Variants in NUCB2 observed in about 807,000 individuals in gnomAD.
The protein encoded by NUCB2 is nucleobindin-2.
In NUCB2, 48 loss-of-function variants were observed where a neutral mutation model predicts 57.9. The ratio of observed to expected loss-of-function variants is 0.83; its 90% CI spans 0.66 to 1.05. The LOEUF is 1.05. Among genes scored for constraint, NUCB2 ranks in the 50% least tolerant of loss-of-function variants. The probability of loss-of-function intolerance (pLI) is 0.00; values close to 1 mark genes in which losing one functional copy is unlikely to be tolerated. For missense variants in NUCB2, 442 were observed against 476.2 expected, an observed-to-expected ratio of 0.93 and a Z score of 0.67; for synonymous variants, 139 against 152.1, an observed-to-expected ratio of 0.91 and a Z score of 0.64.
At chr11:17,302,929 G>A (rs1249360452) in intron 5 of NUCB2, among the ~76,000 whole-genome samples, 6 of 151,988 alleles carry the variant, frequency 3.9e-5, no homozygotes, top group African/African-American at 1.4e-4. Flanking sequence ...TAGTAGAGAC[G>A]GGGTTTCACC....
At chr11:17,344,280 G>C (rs11024260) in intron 2 of NUCB2, among the ~76,000 whole-genome samples, 36,172 of 152,046 alleles carry the variant, frequency 0.24, 5,000 homozygotes, top group East Asian at 0.5. Context: ...TCTCAGCAGG[G>C]ATTATTCATC....
At position 17,310,849 on chromosome 11, in the gene NUCB2, G is replaced by A. The variant is rs751833499; in HGVS notation, c.508G>A (p.Asp170Asn). ...GGCAACAAGTGATCTGGAACACTAT[G>A]ACAAGACTCGTCATGAAGAATTTAA... Reference protein sequence around the residue: ...KAATSDLEHYDKTRHEEFKKY... With the variant: ...KAATSDLEHYNKTRHEEFKKY... The change falls in exon 7 of 14, where the codon GAC becomes AAC. Residue 170 changes from aspartate to asparagine, a missense_variant. Physicochemically the swap from Asp to Asn is conservative, Grantham distance 23. Transcript: ENST00000529010. The A allele has an allele frequency of 6.3e-7, 1 of 1,587,994 alleles. No homozygotes were observed. The highest frequency in any genetic ancestry group is 1.2e-5 in the South Asian group (1 of 84,732).
intron 10 of NUCB2, 26 bp from the exon 11 acceptor site, chr11:17,315,360 T>G: frequency 7.8e-7 from 1 of 1,288,148 alleles, no homozygotes; most frequent in Non-Finnish European, 1.1e-6. Context: ...TTACTTTATA[T>G]TATGTATACA....
In NUCB2 at chr11:17,309,637, A is replaced by G. The variant is rs1451419744; in HGVS notation, c.445A>G (p.Lys149Glu). ...TCACCTAAACCACCTGAATCCTGACAAGTTTGAATCCACAGATTTAGATAT... is the reference window on the plus strand; with the variant it reads ...TCACCTAAACCACCTGAATCCTGACGAGTTTGAATCCACAGATTTAGATAT... ...FDHLNHLNPD[K>E]FESTDLDMLI... Residue 149 changes from lysine to glutamate, a missense_variant, in exon 6 of 14, where the codon AAG becomes GAG. Lys to Glu is a moderately conservative substitution (Grantham distance 56, BLOSUM62 1). Transcript: ENST00000529010. 6.2e-7 allele frequency: 1 copy of G among 1,607,692 alleles called. No homozygotes were observed. Among genetic ancestry groups the G allele is most frequent in the African/African-American group, 1.3e-5 (1 of 74,508 alleles).
downstream of NUCB2, among the ~76,000 whole-genome samples, chr11:17,335,094 G>A (rs1951698367): frequency 1.3e-5 from 2 of 151,624 alleles, no homozygotes; most frequent in African/African-American, 2.4e-5. Context: ...ACCACTCAAT[G>A]TAGTAATAGT....
Position 17,346,843 on chromosome 11 carries a change from C to T in NUCB2, n.2627-2502C>T, listed in dbSNP as rs571738726. Among the ~76,000 whole-genome samples, 14 of 152,174 alleles carry T rather than the reference C, an allele frequency of 9.2e-5. No individual in the cohort carries two copies. The East Asian group carries it at 1.2e-3, about 13-fold the overall frequency. On this transcript the variant is annotated intron_variant and non_coding_transcript_variant, in intron 2 of 2. Coordinates refer to the NUCB2 transcript ENST00000532240. ...GTTATCCTACTATAAATTTTTTCTG[C>T]GCTAAGATCCAATCTGGGATCACAC...
intron 2 of NUCB2, among the ~76,000 whole-genome samples, chr11:17,347,517 A>C (rs1224784274): frequency 2.6e-5 from 4 of 152,248 alleles, no homozygotes. Context: ...TACCCTAAAT[A>C]TGTGAGCATC....
chr11:17,315,986 T>A (rs1949188120), intron 11 of NUCB2, among the ~76,000 whole-genome samples: 1 of 152,148 alleles, frequency 6.6e-6, no homozygotes, highest in South Asian at 2.1e-4. Flanking sequence ...GTTTTTTTGT[T>A]TTTTGAGACA....
chr11:17,344,227 G>C (rs1335991916), intron 2 of NUCB2, among the ~76,000 whole-genome samples: 1 of 152,004 alleles, frequency 6.6e-6, no homozygotes, highest in Non-Finnish European at 1.5e-5. Context: ...AAATAATAAT[G>C]GTTTTAAAGA....
chr11:17,296,201 A>C lies in NUCB2; in HGVS notation c.242A>C (p.Glu81Ala). ...GAAAAGCTCCAGAAAGCAGACATAG[A>C]GGAAATAAAGGTAAATGCAATTCAA... ...FREKLQKADI[E>A]EIKSGRLSKE... Residue 81 changes from glutamate (E) to alanine (A), a missense_variant, in exon 4 of 14, where the codon GAG becomes GCG. Transcript: ENST00000529010. 6.3e-7 allele frequency: 1 copy of C among 1,593,936 alleles called. No homozygotes were observed. Among genetic ancestry groups the C allele is most frequent in the Non-Finnish European group, 8.6e-7 (1 of 1,164,474 alleles).
At chr11:17,318,336 A>C (rs983086118) in intron 11 of NUCB2, among the ~76,000 whole-genome samples, 2 of 152,034 alleles carry the variant, frequency 1.3e-5, no homozygotes, top group African/African-American at 2.4e-5. Flanking sequence ...CTTTAAAAAA[A>C]AAATACATTC....
intron 1 of NUCB2, among the ~76,000 whole-genome samples, chr11:17,282,230 A>ATCTG (rs1942759295): frequency 1.8e-5 from 1 of 54,136 alleles, no homozygotes; most frequent in South Asian, 6.9e-4. Flanking sequence ...CTATCTATCT[A>ATCTG]TCTATCTATA....
At chr11:17,335,736 G>A (rs1009285795), downstream of NUCB2, among the ~76,000 whole-genome samples, 30 of 152,216 alleles carry the variant, frequency 2.0e-4, no homozygotes, top group African/African-American at 6.0e-4. Context: ...TCCTGACCTC[G>A]TGATCCACCC....
intron 5 of NUCB2, among the ~76,000 whole-genome samples, chr11:17,303,230 T>C (rs1469888703): frequency 6.6e-6 from 1 of 152,190 alleles, no homozygotes; most frequent in Admixed American, 6.5e-5. Flanking sequence ...AAGAGCAGAT[T>C]GTCAATTCTA....
Position 17,331,618 on chromosome 11 carries a change from C to T in NUCB2, c.*199C>T, listed in dbSNP as rs924333161. On this transcript the variant is annotated 3_prime_UTR_variant, in exon 14 of 14. Transcript: ENST00000529010. ...AAGTTTATCAGAACCAGGAAGAAAACAAACTCACTGTCTGCTCTCTGCTCT... is the reference window on the plus strand; with the variant it reads ...AAGTTTATCAGAACCAGGAAGAAAATAAACTCACTGTCTGCTCTCTGCTCT... The T allele has an allele frequency of 2.0e-5, 8 of 397,850 alleles. No individual in the cohort carries two copies. Among genetic ancestry groups the T allele is most frequent in the African/African-American group, 1.7e-4 (8 of 48,342 alleles). The allele number at this position is 397,850 out of a possible 1,614,324, so 24.6% of individuals were successfully genotyped here. A position where few individuals can be genotyped will look rare whatever the true frequency, so the allele number is the denominator to read the frequency against.
At chr11:17,293,251 C>A (rs1461277858) in intron 2 of NUCB2, among the ~76,000 whole-genome samples, 1 of 96,060 alleles carries the variant, frequency 1.0e-5, no homozygotes, top group Non-Finnish European at 1.9e-5. Flanking sequence ...AAGACTCTGT[C>A]TCAAAAAAAA....
chr11:17,288,957 A>AT lies in NUCB2; in HGVS notation c.-1+6015dup, dbSNP rs1314774026. On this transcript the variant is annotated intron_variant, in intron 2 of 13. Coordinates refer to ENST00000529010, the MANE Select transcript of NUCB2 (RefSeq NM_005013.4). ...CACACACACACACACACACATATAT[A>AT]TATATATTTTTTTTTTTTGAGATGG... 2.3e-3 allele frequency among the ~76,000 whole-genome samples: 186 copies of AT among 80,354 alleles called. 22 individuals are homozygous for AT. The highest frequency in any genetic ancestry group is 3.1e-3 in the Non-Finnish European group (146 of 46,630). The allele number at this position is 80,354 out of a possible 152,430, so 52.7% of individuals were successfully genotyped here.
intron 5 of NUCB2, among the ~76,000 whole-genome samples, chr11:17,305,793 CTT>C (rs907767088): frequency 1.4e-5 from 2 of 146,674 alleles, no homozygotes; most frequent in East Asian, 2.0e-4. Flanking sequence ...GGCTAATTTT[CTT>C]TTTTTTTTGG....
At chr11:17,328,487 T>C (rs1037014631) in intron 11 of NUCB2, among the ~76,000 whole-genome samples, 12 of 152,202 alleles carry the variant, frequency 7.9e-5, no homozygotes, top group African/African-American at 2.2e-4. Context: ...TCAGTTTTAC[T>C]GTGGCTAAGC....
Sources: allele counts gnomAD v4.1 joint callset (sites outside exome capture counted in the v4.1 genomes callset), GRCh38; gene constraint gnomAD v4.1.1; transcripts MANE v1.5; gene names NCBI Gene and HGNC (gene_info 2026-07-23, HGNC 2026-07-21).